Variants in BRMS1L observed in about 807,000 individuals in gnomAD.
BRMS1L encodes the protein BRMS1 like transcriptional repressor.
A neutral mutation model predicts 50.3 loss-of-function variants in BRMS1L; 23 were observed. That is an observed-to-expected ratio of 0.46 (90% CI 0.33 to 0.65). The LOEUF is 0.65. Among genes scored for constraint, BRMS1L ranks in the 30% least tolerant of loss-of-function variants. The pLI, the probability that BRMS1L is intolerant of heterozygous loss-of-function variation, is 0.02. For synonymous variants in BRMS1L, 114 were observed against 126.9 expected (o/e 0.90, Z 0.69); for missense variants, 286 against 386.1 (o/e 0.74, Z 2.17).
At chr14:35,864,886 AATTCAAAGTGTGAT>A (rs767575351) in intron 6 of BRMS1L, 35 bp from the exon 7 acceptor site, 10 of 1,240,968 alleles carry the variant, frequency 8.1e-6, no homozygotes, top group South Asian at 1.3e-5. Flanking sequence ...TTGGAAATAT[AATTCAAAGTGTGAT>A]ATTCTTACAG....
At chr14:35,829,457 A>C (rs1465562606) in intron 1 of BRMS1L, among the ~76,000 whole-genome samples, 1 of 152,224 alleles carries the variant, frequency 6.6e-6, no homozygotes, top group Non-Finnish European at 1.5e-5. Flanking sequence ...TTTGAACTAC[A>C]AGTCAAAATT....
chr14:35,832,771 A>T (rs1005342404), intron 2 of BRMS1L, among the ~76,000 whole-genome samples: 1 of 152,226 alleles, frequency 6.6e-6, no homozygotes, highest in Admixed American at 6.5e-5. Flanking sequence ...ATTGACCATT[A>T]AAGAGTGATA....
chr14:35,865,854 G>A, intron 8 of BRMS1L, 93 bp downstream of exon 8: 3 of 1,119,244 alleles, frequency 2.7e-6, no homozygotes, highest in East Asian at 2.4e-5. Context: ...TTGAATCAGT[G>A]GTTTTATTTC....
chr14:35,864,965 T>G lies in BRMS1L; in HGVS notation c.653T>G (p.Leu218Arg). ...TATATAGTTTATATGCTACAAGATCTTGATATTCTTGAAGACTGGACAACA... is the reference window on the plus strand; with the variant it reads ...TATATAGTTTATATGCTACAAGATCGTGATATTCTTGAAGACTGGACAACA... Reference protein sequence around the residue: ...GPYIVYMLQDLDILEDWTTIR... With the variant: ...GPYIVYMLQDRDILEDWTTIR... The change falls in exon 7 of 10, where the codon CTT becomes CGT. Residue 218 changes from leucine to arginine, a missense_variant. Physicochemically the swap from Leu to Arg is moderately radical, Grantham distance 102. This residue lies in a region of BRMS1L where 160 missense variants were observed against 240.6 expected (regional missense o/e 0.66). Coordinates refer to ENST00000216807, the MANE Select transcript of BRMS1L (RefSeq NM_032352.4). The G allele has an allele frequency of 6.3e-7, 1 of 1,585,384 alleles. No homozygotes were observed. Among genetic ancestry groups the G allele is most frequent in the South Asian group, 1.2e-5 (1 of 85,412 alleles).
Position 35,826,422 on chromosome 14 carries a change from T to C in BRMS1L, c.-95T>C, listed in dbSNP as rs1323901027. On this transcript the variant is annotated 5_prime_UTR_variant, in exon 1 of 10. Coordinates refer to ENST00000216807, the MANE Select transcript of BRMS1L (RefSeq NM_032352.4). ...GAGCCAAGGGGGCGAGCAAGCTCGG[T>C]GGCTGGGTGGGTTGGGGCGTTCCGC... The C allele has an allele frequency of 1.6e-5, 24 of 1,528,854 alleles. No individual in the cohort carries two copies. Among genetic ancestry groups the C allele is most frequent in the Non-Finnish European group, 2.0e-5 (23 of 1,136,646 alleles). The allele number at this position is 1,528,854 out of a possible 1,614,324, so 94.7% of individuals were successfully genotyped here. A position where few individuals can be genotyped will look rare whatever the true frequency, so the allele number is the denominator to read the frequency against.
chr14:35,840,562 A>G lies in BRMS1L; in HGVS notation c.441+5639A>G, dbSNP rs556122617. 3.3e-5 allele frequency among the ~76,000 whole-genome samples: 5 copies of G among 152,262 alleles called. No individual in the cohort carries two copies. In the South Asian group the frequency reaches 1.0e-3, roughly 32 times the overall value. ...CAGTTTCAGAACTTGTTATTGGTCT[A>G]TTCAGGGATTCGACTTCTTCTTGAT... On this transcript the variant is annotated intron_variant, in intron 4 of 9. Transcript: ENST00000216807.
rs181731977 is a variant in BRMS1L at position 35,863,848 on chromosome 14, T to G, written c.539-22T>G. Reference sequence around the variant, plus strand: ...TTGTTCACCAGAAACCCACTAATACTTAATCTTTATTTACCTGCCAGAGCT... The same window carrying G: ...TTGTTCACCAGAAACCCACTAATACGTAATCTTTATTTACCTGCCAGAGCT... On this transcript the variant is annotated intron_variant, in intron 5 of 9. Transcript: ENST00000216807. 8 of 1,604,084 alleles carry G rather than the reference T, an allele frequency of 5.0e-6. No individual in the cohort carries two copies. In the East Asian group the frequency reaches 1.6e-4, roughly 31 times the overall value.
chr14:35,826,615 G>T lies in BRMS1L; in HGVS notation c.99G>T (p.Glu33Asp), dbSNP rs752515545. 1 of 1,612,470 alleles carries T rather than the reference G, an allele frequency of 6.2e-7. No individual in the cohort carries two copies. The highest frequency in any genetic ancestry group is 8.5e-7 in the Non-Finnish European group (1 of 1,179,520). The change falls in exon 1 of 10, where the codon GAG (glutamate) becomes GAT (aspartate). Residue 33 changes from glutamate (E) to aspartate (D), a missense_variant. Transcript: ENST00000216807. The stretch of plus-strand genomic sequence containing the variant: ...ATGAGGGGAGCAGCTCCGAGGACGA[G>T]GACACTGAGAGCTCGTCGGTCTCCG... The part of the protein sequence containing the change: ...AENEGSSSED[E>D]DTESSSVSED...
intron 8 of BRMS1L, 72 bp downstream of exon 8, chr14:35,865,833 C>G (rs934986351): frequency 1.1e-5 from 14 of 1,285,062 alleles, no homozygotes; most frequent in African/African-American, 3.0e-5. Context: ...TATCTACGTA[C>G]TAAAGAACTC....
chr14:35,837,132 G>A (rs1323748449), intron 4 of BRMS1L, among the ~76,000 whole-genome samples: 2 of 152,134 alleles, frequency 1.3e-5, no homozygotes, highest in Non-Finnish European at 2.9e-5. Context: ...GCATGCGCCT[G>A]TAATCCCAGG....
intron 4 of BRMS1L, among the ~76,000 whole-genome samples, chr14:35,845,610 T>C (rs2078123455): frequency 6.6e-6 from 1 of 152,256 alleles, no homozygotes; most frequent in Admixed American, 6.5e-5. Flanking sequence ...TCATACTGTC[T>C]TTTATTTGAT....
intron 1 of BRMS1L, among the ~76,000 whole-genome samples, chr14:35,829,455 ACAAGT>A (rs2077890256): frequency 6.6e-6 from 1 of 152,244 alleles, no homozygotes; most frequent in Admixed American, 6.5e-5. Flanking sequence ...AATTTGAACT[ACAAGT>A]CAAAATTTTA....
intron 4 of BRMS1L, among the ~76,000 whole-genome samples, chr14:35,844,920 G>A (rs913652225): frequency 4.0e-5 from 6 of 151,244 alleles, no homozygotes; most frequent in African/African-American, 7.3e-5. Context: ...TCACTGTATC[G>A]CCCAGGCTGG....
intron 4 of BRMS1L, among the ~76,000 whole-genome samples, chr14:35,851,076 G>A (rs1460862958): frequency 1.3e-5 from 2 of 152,100 alleles, no homozygotes; most frequent in East Asian, 3.8e-4. Context: ...TTATCTTGGA[G>A]GTTTCACAGT....
At position 35,863,680 on chromosome 14, in the gene BRMS1L, T is replaced by C. The variant is rs998868240; in HGVS notation, c.539-190T>C. ...AGTGCCAAATTGATTTTTGCTTTAA[T>C]AAAGGCAGAGCAAAACTTAAACACG... On this transcript the variant is annotated intron_variant, in intron 5 of 9. Transcript: ENST00000216807. 5.3e-5 allele frequency among the ~76,000 whole-genome samples: 8 copies of C among 152,216 alleles called. No homozygotes were observed. In the East Asian group the frequency reaches 1.5e-3, roughly 29 times the overall value.
Position 35,849,633 on chromosome 14 carries a change from G to A in BRMS1L, c.442-12957G>A, listed in dbSNP as rs1371349540. On this transcript the variant is annotated intron_variant, in intron 4 of 9. Transcript: ENST00000216807. ...TCTTTTTGATAATGGCCATTCTAAC[G>A]GGTGTGGGATGATAAATCATTGTTG... Among the ~76,000 whole-genome samples, 4 of 151,980 alleles carry A rather than the reference G, an allele frequency of 2.6e-5. No individual in the cohort carries two copies. The South Asian group carries it at 6.2e-4, about 24-fold the overall frequency.
At chr14:35,865,939 C>A in intron 8 of BRMS1L, 178 bp downstream of exon 8, 1 of 588,674 alleles carries the variant, frequency 1.7e-6, no homozygotes, top group South Asian at 2.4e-5. Context: ...TTCAAAATTT[C>A]TGAATGTGGT....
At chr14:35,857,250 A>AT (rs1232726255) in intron 4 of BRMS1L, among the ~76,000 whole-genome samples, 2,781 of 147,060 alleles carry the variant, frequency 0.019, 54 homozygotes, top group African/African-American at 0.046. Context: ...CAAAAAAAAA[A>AT]ATATATATAT....
intron 4 of BRMS1L, among the ~76,000 whole-genome samples, chr14:35,850,600 G>T (rs561310559): frequency 1.3e-5 from 2 of 152,264 alleles, no homozygotes; most frequent in East Asian, 3.9e-4. Context: ...CGTGCTTTTT[G>T]TGTCATATCA....
Sources: gnomAD v4.1 joint callset for allele counts (sites outside exome capture counted in the v4.1 genomes callset) on GRCh38, gnomAD v4.1.1 for gene constraint, gnomAD v4.1.1 regional missense constraint, MANE v1.5 for transcripts, NCBI Gene and HGNC (gene_info 2026-07-23, HGNC 2026-07-21) for gene names.